The following SSBP2 variants were observed in gnomAD, a reference collection of about 807,000 sequenced individuals.
The protein encoded by SSBP2 is single-stranded DNA-binding protein 2.
A neutral mutation model predicts 61.8 loss-of-function variants in SSBP2; 17 were observed. That is an observed-to-expected ratio of 0.28 (90% CI 0.19 to 0.41). SSBP2 has a LOEUF of 0.41. SSBP2 is among the 10% of genes least tolerant of loss of function. The pLI is 1.00. For missense variants in SSBP2, 310 were observed against 458.7 expected (o/e 0.68, Z 2.96); for synonymous variants, 139 against 141.3 (o/e 0.98, Z 0.12).
At chr5:81,477,221 C>G (rs1374421462) in intron 6 of SSBP2, among the ~76,000 whole-genome samples, 30 of 152,130 alleles carry the variant, frequency 2.0e-4, no homozygotes, top group Admixed American at 1.9e-3. Context: ...TACTTGGGTG[C>G]ATCATTTTTA....
intron 4 of SSBP2, among the ~76,000 whole-genome samples, chr5:81,584,342 A>T (rs543529296): frequency 6.6e-6 from 1 of 152,360 alleles, no homozygotes; most frequent in African/African-American, 2.4e-5. Context: ...GCAAATGCTT[A>T]TGCATACTTA....
intron 2 of SSBP2, among the ~76,000 whole-genome samples, chr5:81,640,950 C>A (rs1748729925): frequency 6.6e-6 from 1 of 152,188 alleles, no homozygotes; most frequent in Non-Finnish European, 1.5e-5. Flanking sequence ...ATATGACCAG[C>A]AAATTTTTCA....
intron 1 of SSBP2, among the ~76,000 whole-genome samples, chr5:81,653,390 T>C (rs1166748511): frequency 2.0e-5 from 3 of 152,178 alleles, no homozygotes; most frequent in South Asian, 2.1e-4. Context: ...CTATTGTGAA[T>C]AGTGTTGCAA....
intron 4 of SSBP2, among the ~76,000 whole-genome samples, chr5:81,589,048 A>G (rs1243988563): frequency 2.0e-5 from 3 of 152,180 alleles, no homozygotes; most frequent in Admixed American, 2.0e-4. Flanking sequence ...TGGGCAAAAG[A>G]GTCAGACCCT....
At chr5:81,659,348 C>T (rs1175235832) in intron 1 of SSBP2, among the ~76,000 whole-genome samples, 1 of 152,120 alleles carries the variant, frequency 6.6e-6, no homozygotes, top group African/African-American at 2.4e-5. Flanking sequence ...GTGCAAAAAT[C>T]ACAAGCATTC....
chr5:81,463,859 C>T (rs183872813), intron 9 of SSBP2, among the ~76,000 whole-genome samples: 27 of 150,812 alleles, frequency 1.8e-4, no homozygotes, highest in Non-Finnish European at 3.7e-4. Flanking sequence ...ACCTCCACCT[C>T]CCGGGCTCAA....
At chr5:81,584,057 C>T (rs1482998991) in intron 4 of SSBP2, among the ~76,000 whole-genome samples, 4 of 152,122 alleles carry the variant, frequency 2.6e-5, no homozygotes, top group African/African-American at 9.7e-5. Context: ...ACTTAACAAG[C>T]TTTAAAGATG....
intron 4 of SSBP2, among the ~76,000 whole-genome samples, chr5:81,514,591 T>C (rs1357337143): frequency 6.6e-6 from 1 of 152,070 alleles, no homozygotes; most frequent in Non-Finnish European, 1.5e-5. Context: ...AGAAATATGC[T>C]GAAGATAGAT....
intron 6 of SSBP2, among the ~76,000 whole-genome samples, chr5:81,483,789 A>G (rs1412830828): frequency 2.0e-5 from 3 of 151,908 alleles, no homozygotes; most frequent in Non-Finnish European, 4.4e-5. Flanking sequence ...ACACACATTT[A>G]TACTTTTCTT....
chr5:81,690,244 C>T (rs1192801389), intron 1 of SSBP2, among the ~76,000 whole-genome samples: 1 of 152,016 alleles, frequency 6.6e-6, no homozygotes, highest in Non-Finnish European at 1.5e-5. Context: ...GGAGTAAGTA[C>T]TTAACTTATC....
intron 9 of SSBP2, among the ~76,000 whole-genome samples, chr5:81,462,943 T>C (rs1164559830): frequency 6.6e-6 from 1 of 152,038 alleles, no homozygotes; most frequent in Non-Finnish European, 1.5e-5. Context: ...ATAAACTATT[T>C]TTATTTTCAA....
intron 1 of SSBP2, among the ~76,000 whole-genome samples, chr5:81,720,158 T>A (rs1272634647): frequency 2.0e-5 from 3 of 152,124 alleles, no homozygotes; most frequent in African/African-American, 7.2e-5. Flanking sequence ...TCAGAGCCCA[T>A]CCAGATTTTT....
intron 1 of SSBP2, among the ~76,000 whole-genome samples, chr5:81,741,512 A>G (rs778939454): frequency 3.6e-4 from 55 of 152,224 alleles, no homozygotes; most frequent in Non-Finnish European, 7.3e-4. Context: ...TTACCACATT[A>G]AAAAAGAAAA....
At chr5:81,476,038 T>C (rs950720606) in intron 6 of SSBP2, among the ~76,000 whole-genome samples, 1 of 152,138 alleles carries the variant, frequency 6.6e-6, no homozygotes, top group African/African-American at 2.4e-5. Flanking sequence ...CAACTGTTAA[T>C]ATTTTTTACT....
At chr5:81,488,670 A>G (rs558525863) in intron 6 of SSBP2, among the ~76,000 whole-genome samples, 2 of 150,542 alleles carry the variant, frequency 1.3e-5, no homozygotes, top group Non-Finnish European at 3.0e-5. Flanking sequence ...ATCATTTAGC[A>G]TTAGGTATAT....
At chr5:81,716,295 A>C (rs1755168139) in intron 1 of SSBP2, among the ~76,000 whole-genome samples, 1 of 152,216 alleles carries the variant, frequency 6.6e-6, no homozygotes, top group African/African-American at 2.4e-5. Context: ...GTCGTCCTCC[A>C]TTACAAGCCT....
At chr5:81,435,373 CAG>C (rs1021699940) in intron 15 of SSBP2, among the ~76,000 whole-genome samples, 5 of 152,158 alleles carry the variant, frequency 3.3e-5, no homozygotes, top group African/African-American at 1.2e-4. Flanking sequence ...CACTTGAGGA[CAG>C]AGATCGTGTT....
chr5:81,446,930 AT>A lies in SSBP2; in HGVS notation c.724-9del. 1 of 1,587,868 alleles carries A rather than the reference AT, an allele frequency of 6.3e-7. No individual in the cohort carries two copies. Among genetic ancestry groups the A allele is most frequent in the Non-Finnish European group, 8.6e-7 (1 of 1,168,534 alleles). On this transcript the variant is annotated splice_polypyrimidine_tract_variant and intron_variant, in intron 11 of 16. Transcript: ENST00000320672. Reference sequence around the variant, plus strand: ...TCCACCTCCTGGAGGACCCTAAATAATTATACAAAATTTCAGTAAAAATAAG... The same window carrying A: ...TCCACCTCCTGGAGGACCCTAAATAATATACAAAATTTCAGTAAAAATAAG...
At chr5:81,498,686 T>C (rs1431091363) in intron 5 of SSBP2, among the ~76,000 whole-genome samples, 1 of 152,080 alleles carries the variant, frequency 6.6e-6, no homozygotes, top group Non-Finnish European at 1.5e-5. Flanking sequence ...TTTCTCTATA[T>C]AGATTTCTAT....
Sources: gnomAD v4.1 joint callset for allele counts (sites outside exome capture counted in the v4.1 genomes callset) on GRCh38, gnomAD v4.1.1 for gene constraint, MANE v1.5 for transcripts, NCBI Gene and HGNC (gene_info 2026-07-23, HGNC 2026-07-21) for gene names.